Variants in PLAC1 observed in about 807,000 individuals in gnomAD.
The protein encoded by PLAC1 is placenta associated 1, also known as placenta-specific protein 1.
For synonymous variants in PLAC1, 68 were observed against 62.1 expected, an observed-to-expected ratio of 1.09 and a Z score of -0.44; for missense variants, 136 against 163.2, an observed-to-expected ratio of 0.83 and a Z score of 0.91.
At position 134,654,362 on chromosome X, in the gene PLAC1, C is replaced by T. The variant is rs183657426; in HGVS notation, c.-131+3966G>A. Among the ~76,000 whole-genome samples the T allele has an allele frequency of 4.1e-3, 461 of 112,250 alleles. 2 individuals are homozygous for T. Among genetic ancestry groups the T allele is most frequent in the African/African-American group, 0.014 (433 of 30,938 alleles). On this transcript the variant is annotated intron_variant, in intron 1 of 2. Coordinates refer to ENST00000359237, the MANE Select transcript of PLAC1 (RefSeq NM_021796.4). ...TAGACAAATACCCAAATGATTCTTA[C>T]GATCAGGCAAGTTCAGGAAGCCTAG...
chrX:134,684,979 G>A lies in PLAC1; in HGVS notation n.174+48456C>T, dbSNP rs142444283. On this transcript the variant is annotated intron_variant and non_coding_transcript_variant, in intron 2 of 2. Transcript: ENST00000466797. Reference sequence around the variant, plus strand: ...TCTTATCCCGATTTTCTCTATTCATGGCAAAAGGTGGTAAAGGAGAATAAA... The same window carrying A: ...TCTTATCCCGATTTTCTCTATTCATAGCAAAAGGTGGTAAAGGAGAATAAA... 9.0e-3 allele frequency among the ~76,000 whole-genome samples: 1,014 copies of A among 112,289 alleles called. 19 individuals are homozygous for A. The highest frequency in any genetic ancestry group is 0.031 in the African/African-American group (973 of 30,949).
At chrX:134,627,043 T>C (rs985403327) in intron 1 of PLAC1, among the ~76,000 whole-genome samples, 2 of 103,520 alleles carry the variant, frequency 1.9e-5, no homozygotes, top group Non-Finnish European at 4.0e-5. Context: ...CCCTTTCCCT[T>C]AAAAAAAAAA....
chrX:134,682,906 A>T (rs1008628663), intron 2 of PLAC1, among the ~76,000 whole-genome samples: 6 of 111,615 alleles, frequency 5.4e-5, no homozygotes, highest in African/African-American at 2.0e-4. Flanking sequence ...GCCTAGGAGA[A>T]GTGCCCCTTA....
chrX:134,636,143 G>T (rs192920434), intron 1 of PLAC1, among the ~76,000 whole-genome samples: 3 of 111,744 alleles, frequency 2.7e-5, no homozygotes, highest in Admixed American at 9.5e-5. Flanking sequence ...AGTACTGGTT[G>T]ACACCAAGGC....
chrX:134,624,058 G>A (rs1187278250), intron 1 of PLAC1, among the ~76,000 whole-genome samples: 1 of 111,851 alleles, frequency 8.9e-6, no homozygotes, highest in East Asian at 2.8e-4. Flanking sequence ...AACTGAGGCT[G>A]AGAAAGTGGT....
intron 2 of PLAC1, among the ~76,000 whole-genome samples, chrX:134,586,367 T>C (rs1045963573): frequency 2.7e-5 from 3 of 111,806 alleles, no homozygotes; most frequent in African/African-American, 9.7e-5. Context: ...ACAGACTTCA[T>C]TTGAAAAAAA....
At chrX:134,634,837 C>A (rs1373998617) in intron 1 of PLAC1, among the ~76,000 whole-genome samples, 1 of 112,215 alleles carries the variant, frequency 8.9e-6, no homozygotes, top group Non-Finnish European at 1.9e-5. Flanking sequence ...CATTCATGTA[C>A]AAGCTATTGT....
intron 2 of PLAC1, among the ~76,000 whole-genome samples, chrX:134,667,004 T>C (rs2078439517): frequency 8.9e-6 from 1 of 112,384 alleles, no homozygotes; most frequent in Non-Finnish European, 1.9e-5. Flanking sequence ...GAACTGGACC[T>C]TTATCTTACA....
chrX:134,756,155 T>C (rs184189530), intron 1 of PLAC1, among the ~76,000 whole-genome samples: 1 of 110,769 alleles, frequency 9.0e-6, no homozygotes, highest in African/African-American at 3.3e-5. Context: ...CCGGCCTTCA[T>C]CATCTTTCTT....
intron 2 of PLAC1, among the ~76,000 whole-genome samples, chrX:134,717,040 G>A (rs1357354526): frequency 8.9e-6 from 1 of 111,821 alleles, no homozygotes; most frequent in Non-Finnish European, 1.9e-5. Flanking sequence ...CAAGCAACTG[G>A]CCCAGGCTGC....
At chrX:134,640,807 C>T (rs73224752) in intron 1 of PLAC1, among the ~76,000 whole-genome samples, 3 of 112,284 alleles carry the variant, frequency 2.7e-5, no homozygotes, top group East Asian at 2.8e-4. Context: ...AACAAAACAA[C>T]CTTAGAAAGG....
intron 2 of PLAC1, among the ~76,000 whole-genome samples, chrX:134,687,594 T>C (rs1288572195): frequency 4.7e-5 from 5 of 107,526 alleles, no homozygotes; most frequent in Non-Finnish European, 9.6e-5. Flanking sequence ...TGTGAGAGTC[T>C]GCTGGTTGCT....
chrX:134,652,434 A>G (rs970775826), intron 1 of PLAC1, among the ~76,000 whole-genome samples: 2 of 112,246 alleles, frequency 1.8e-5, no homozygotes, highest in Non-Finnish European at 3.8e-5. Flanking sequence ...AACTGCTCCC[A>G]GGTGAGTGGT....
chrX:134,735,922 T>A (rs1474838626), intron 1 of PLAC1, among the ~76,000 whole-genome samples: 2 of 104,374 alleles, frequency 1.9e-5, no homozygotes, highest in African/African-American at 7.2e-5. Context: ...AGTGGGTAAG[T>A]TCAGAGCCCC....
intron 2 of PLAC1, among the ~76,000 whole-genome samples, chrX:134,585,057 C>A (rs1041154950): frequency 9.2e-6 from 1 of 108,639 alleles, no homozygotes; most frequent in African/African-American, 3.3e-5. Flanking sequence ...TTAGGCCGGG[C>A]GCGGTGGCTC....
chrX:134,591,378 C>A (rs918609940), intron 2 of PLAC1, among the ~76,000 whole-genome samples: 1 of 112,605 alleles, frequency 8.9e-6, no homozygotes, highest in African/African-American at 3.2e-5. Flanking sequence ...GCCAATTTGT[C>A]TTTTGAATCC....
intron 2 of PLAC1, among the ~76,000 whole-genome samples, chrX:134,673,332 AG>A (rs1352182310): frequency 2.2e-5 from 2 of 91,018 alleles, no homozygotes; most frequent in Admixed American, 1.2e-4. Context: ...GGGAAGGGGA[AG>A]GGAAGGGAAG....
chrX:134,722,768 A>C (rs1472195996), intron 2 of PLAC1, among the ~76,000 whole-genome samples: 1 of 112,146 alleles, frequency 8.9e-6, no homozygotes, highest in Non-Finnish European at 1.9e-5. Context: ...ATGGAATTAC[A>C]TGACAGTGCT....
chrX:134,707,071 G>A (rs1003342852), intron 2 of PLAC1, among the ~76,000 whole-genome samples: 1 of 111,997 alleles, frequency 8.9e-6, no homozygotes, highest in Non-Finnish European at 1.9e-5. Context: ...AAAAAGCTGA[G>A]TAAATCCCAA....
Sources: allele counts gnomAD v4.1 joint callset (sites outside exome capture counted in the v4.1 genomes callset), GRCh38; gene constraint gnomAD v4.1.1; transcripts MANE v1.5; gene names NCBI Gene and HGNC (gene_info 2026-07-23, HGNC 2026-07-21).